Variants in TANC2 observed in about 807,000 individuals in gnomAD.
TANC2 encodes the protein tetratricopeptide repeat, ankyrin repeat and coiled-coil containing 2.
A neutral mutation model predicts 210.5 loss-of-function variants in TANC2; 26 were observed. That is an observed-to-expected ratio of 0.12 (90% CI 0.09 to 0.17). The LOEUF (loss-of-function observed/expected upper bound fraction) is 0.17. Ranked by LOEUF, TANC2 falls within the 10% of genes least tolerant of loss-of-function variation. TANC2 has a pLI of 1.00. For synonymous variants in TANC2, 931 were observed against 967.1 expected, an observed-to-expected ratio of 0.96 and a Z score of 0.69; for missense variants, 2,129 against 2,608.9, an observed-to-expected ratio of 0.82 and a Z score of 4.01.
intron 1 of TANC2, chr17:63,004,682 T>G (rs1257796868): frequency 3.3e-6 from 1 of 304,196 alleles, no homozygotes; most frequent in Non-Finnish European, 6.4e-6. Flanking sequence ...TCACCAGAGG[T>G]CCACAGTTGT....
Position 63,065,079 on chromosome 17 carries a change from A to G in TANC2, c.68-8864A>G, listed in dbSNP as rs150862633. The stretch of plus-strand genomic sequence containing the variant: ...TGCTCCCTCCAAGCCCCTAACAACC[A>G]CCATTCTACTCTGTTTCAGTTATTT... On this transcript the variant is annotated intron_variant, in intron 2 of 27. Coordinates refer to ENST00000689528, the Ensembl canonical transcript of TANC2. Among the ~76,000 whole-genome samples the G allele has an allele frequency of 6.9e-3, 1,054 of 152,004 alleles. 16 individuals carry two copies. The highest frequency in any genetic ancestry group is 0.024 in the African/African-American group (999 of 41,456).
At chr17:63,209,558 C>T (rs1051271100) in intron 7 of TANC2, among the ~76,000 whole-genome samples, 3 of 152,038 alleles carry the variant, frequency 2.0e-5, no homozygotes, top group African/African-American at 7.2e-5. Context: ...CTCAGCCTCC[C>T]GAGTGGCTGG....
chr17:63,251,928 G>A (rs1195581429), intron 8 of TANC2, among the ~76,000 whole-genome samples: 2 of 152,128 alleles, frequency 1.3e-5, no homozygotes, highest in African/African-American at 2.4e-5. Flanking sequence ...GAATAGTGAT[G>A]TTCATCTTCC....
chr17:63,053,970 T>A (rs1456834341), intron 2 of TANC2, among the ~76,000 whole-genome samples: 1 of 152,194 alleles, frequency 6.6e-6, no homozygotes, highest in Non-Finnish European at 1.5e-5. Flanking sequence ...TCTTAATTGG[T>A]CTCTCTGCTT....
At chr17:63,315,197 GC>G (rs1353492796) in intron 10 of TANC2, among the ~76,000 whole-genome samples, 1 of 152,158 alleles carries the variant, frequency 6.6e-6, no homozygotes, top group Non-Finnish European at 1.5e-5. Context: ...CAACCAGGGG[GC>G]AGCCCAGTAA....
At chr17:63,406,314 C>G (rs757356946) in intron 21 of TANC2, 37 bp downstream of exon 21, 4 of 1,605,774 alleles carry the variant, frequency 2.5e-6, no homozygotes, top group Non-Finnish European at 1.7e-6. Context: ...TGGCCAGTTT[C>G]CATAATTACC....
chr17:63,184,960 T>C (rs1186410318), intron 5 of TANC2, among the ~76,000 whole-genome samples: 2 of 151,274 alleles, frequency 1.3e-5, no homozygotes, highest in African/African-American at 4.9e-5. Flanking sequence ...CTATCTTCTT[T>C]TGTTCAGTAA....
Position 63,405,975 on chromosome 17 carries a change from C to T in TANC2, c.3466-179C>T, listed in dbSNP as rs372935191. 7.9e-5 allele frequency among the ~76,000 whole-genome samples: 12 copies of T among 152,146 alleles called. No individual in the cohort carries two copies. In the East Asian group the frequency reaches 1.2e-3, roughly 15 times the overall value. Reference sequence around the variant, plus strand: ...GTTGAATCCTTCTCATTTGACTGTCCCTGAGAGAGATTAAATCACATGGTA... The same window carrying T: ...GTTGAATCCTTCTCATTTGACTGTCTCTGAGAGAGATTAAATCACATGGTA... On this transcript the variant is annotated intron_variant, in intron 20 of 27. Coordinates refer to ENST00000689528, the Ensembl canonical transcript of TANC2.
At chr17:63,173,048 A>T (rs553190730) in intron 5 of TANC2, among the ~76,000 whole-genome samples, 2 of 152,374 alleles carry the variant, frequency 1.3e-5, no homozygotes, top group Admixed American at 6.5e-5. Context: ...TTACTGGATC[A>T]GAATTCTGCC....
exon 28 of TANC2, chr17:63,425,007 C>CACAATTA (rs761455102): frequency 2.6e-5 from 4 of 152,134 alleles, no homozygotes; most frequent in Non-Finnish European, 5.9e-5. Context: ...CAGTAAGGCA[C>CACAATTA]ACAATTAACA....
intron 9 of TANC2, among the ~76,000 whole-genome samples, chr17:63,296,990 G>GA (rs1402981166): frequency 6.6e-5 from 10 of 151,470 alleles, no homozygotes; most frequent in South Asian, 2.1e-4. Flanking sequence ...GAAAGGGTCA[G>GA]AAAAAAAAAT....
chr17:62,969,692 A>AGTGT (rs143764403), intron 1 of TANC2, among the ~76,000 whole-genome samples: 31 of 149,982 alleles, frequency 2.1e-4, no homozygotes, highest in East Asian at 9.7e-4. Flanking sequence ...AGTTTAATAT[A>AGTGT]GTGTGTGTGT....
At chr17:63,039,975 C>G (rs9907865) in intron 2 of TANC2, among the ~76,000 whole-genome samples, 1 of 152,054 alleles carries the variant, frequency 6.6e-6, no homozygotes, top group Non-Finnish European at 1.5e-5. Flanking sequence ...AAAGTAAGCA[C>G]TTTTAGTTTT....
intron 9 of TANC2, among the ~76,000 whole-genome samples, chr17:63,297,193 G>A (rs2044562822): frequency 6.6e-6 from 1 of 152,152 alleles, no homozygotes; most frequent in African/African-American, 2.4e-5. Context: ...CCAACAGCCT[G>A]TTGGGCAGGA....
At chr17:63,173,080 T>A (rs1048639940) in intron 5 of TANC2, among the ~76,000 whole-genome samples, 8 of 152,208 alleles carry the variant, frequency 5.3e-5, no homozygotes, top group Non-Finnish European at 1.2e-4. Flanking sequence ...CTAAGATCAA[T>A]CAGTGTGAGG....
chr17:62,992,367 A>C lies in TANC2; in HGVS notation c.-23-17170A>C, dbSNP rs1598205222. On this transcript the variant is annotated intron_variant, in intron 1 of 27. Transcript: ENST00000689528. ...TAGCCATGGCCCATCCCAGTGTAAT[A>C]GTTCTTATGTGATATGTTGTGAGAT... Among the ~76,000 whole-genome samples, 3 of 152,224 alleles carry C rather than the reference A, an allele frequency of 2.0e-5. No individual in the cohort carries two copies. In the East Asian group the frequency reaches 5.8e-4, roughly 29 times the overall value.
chr17:63,128,299 C>T (rs1368362714), intron 4 of TANC2, among the ~76,000 whole-genome samples: 1 of 152,056 alleles, frequency 6.6e-6, no homozygotes, highest in Non-Finnish European at 1.5e-5. Context: ...CCCCATTTAT[C>T]CTGATGTGAT....
chr17:63,056,174 T>TAA (rs79110107), intron 2 of TANC2, among the ~76,000 whole-genome samples: 2 of 118,864 alleles, frequency 1.7e-5, no homozygotes, highest in East Asian at 2.5e-4. Context: ...GACTCTGTGT[T>TAA]AAAAAAAAAA....
intron 6 of TANC2, among the ~76,000 whole-genome samples, chr17:63,194,498 C>T (rs2041280175): frequency 6.6e-6 from 1 of 152,170 alleles, no homozygotes; most frequent in African/African-American, 2.4e-5. Context: ...GACAAATTTC[C>T]AAAGATTCCA....
Sources: gnomAD v4.1 joint callset for allele counts (sites outside exome capture counted in the v4.1 genomes callset) on GRCh38, gnomAD v4.1.1 for gene constraint, MANE v1.5 for transcripts, NCBI Gene and HGNC (gene_info 2026-07-23, HGNC 2026-07-21) for gene names.